Variants in GXYLT1 observed in about 807,000 individuals in gnomAD.
GXYLT1 encodes glycosyltransferase 8 domain containing 3.
In GXYLT1, 29 loss-of-function variants were observed where a neutral mutation model predicts 54.0. The ratio of observed to expected loss-of-function variants is 0.54; its 90% CI spans 0.40 to 0.73. GXYLT1 has a LOEUF of 0.73. Among genes scored for constraint, GXYLT1 ranks in the 30% least tolerant of loss-of-function variants. The pLI is 0.00. For missense variants in GXYLT1, 490 were observed against 553.4 expected (o/e 0.89, Z 1.15); for synonymous variants, 176 against 204.1 (o/e 0.86, Z 1.17).
rs1325667405 is a variant in GXYLT1 at position 42,144,755 on chromosome 12, A to AGCC, written c.-112_-110dup. 1.3e-4 allele frequency: 99 copies of AGCC among 754,262 alleles called. No homozygotes were observed. In the East Asian group the frequency reaches 2.9e-3, roughly 22 times the overall value. The allele number at this position is 754,262 out of a possible 1,614,324, so 46.7% of individuals were successfully genotyped here. ...CGGGCGCAACAAGTTCCTCACCCGC[A>AGCC]GCCGCCGCCGCCGCCTTGCGCCCGC... On this transcript the variant is annotated 5_prime_UTR_variant, in exon 1 of 8. Transcript: ENST00000398675.
chr12:42,087,912 TA>T lies in GXYLT1; in HGVS notation c.1196del (p.Leu399Ter). On this transcript the variant is annotated frameshift_variant, in exon 8 of 8. Transcript: ENST00000398675. LOFTEE classifies it high-confidence loss of function. Reference protein sequence around the residue: ...SFEDDNIRSLLKPLELELQKT... With the variant: ...SFEDDNIRSLXKPLELELQKT... Reference sequence around the variant, plus strand: ...TTTGTAGTTCCAGTTCTAAAGGTTTTAATAAGGAACGGATGTTGTCATCTTC... The same window carrying T: ...TTTGTAGTTCCAGTTCTAAAGGTTTTATAAGGAACGGATGTTGTCATCTTC... 6.3e-7 allele frequency: 1 copy of T among 1,581,950 alleles called. No individual in the cohort carries two copies. The highest frequency in any genetic ancestry group is 8.6e-7 in the Non-Finnish European group (1 of 1,162,524).
At chr12:42,102,999 A>AG (rs2065398868) in intron 5 of GXYLT1, among the ~76,000 whole-genome samples, 1 of 151,212 alleles carries the variant, frequency 6.6e-6, no homozygotes, top group African/African-American at 2.4e-5. Flanking sequence ...GTCACTCTGT[A>AG]GCTCAGGCTG....
chr12:42,113,854 T>C lies in GXYLT1; in HGVS notation c.487-4163A>G, dbSNP rs1052495548. ...CTTTTCAGCACCACACCACACCTAC[T>C]CCAAAATTGACCACATAGTTGGAAG... On this transcript the variant is annotated intron_variant, in intron 3 of 7. Transcript: ENST00000398675. Among the ~76,000 whole-genome samples, 8 of 151,056 alleles carry C rather than the reference T, an allele frequency of 5.3e-5. 2 individuals are homozygous for C. The highest frequency in any genetic ancestry group is 1.7e-4 in the African/African-American group (7 of 40,422).
intron 5 of GXYLT1, among the ~76,000 whole-genome samples, chr12:42,104,466 T>C (rs2065408079): frequency 6.6e-6 from 1 of 152,078 alleles, no homozygotes; most frequent in Non-Finnish European, 1.5e-5. Context: ...GAGCAGAGGT[T>C]ACCTAACACT....
intron 1 of GXYLT1, among the ~76,000 whole-genome samples, chr12:42,136,812 C>T (rs1317011283): frequency 7.3e-6 from 1 of 136,076 alleles, no homozygotes; most frequent in African/African-American, 2.6e-5. Context: ...ACACACAAGT[C>T]GCCCAGGCTG....
chr12:42,119,487 AAAAG>A (rs974492731), intron 2 of GXYLT1, among the ~76,000 whole-genome samples: 19 of 152,116 alleles, frequency 1.2e-4, no homozygotes, highest in African/African-American at 3.1e-4. Context: ...AAGGAAAAAA[AAAAG>A]AAAGAAAGAA....
At chr12:42,114,569 G>A (rs1427165493) in intron 3 of GXYLT1, among the ~76,000 whole-genome samples, 4 of 152,078 alleles carry the variant, frequency 2.6e-5, no homozygotes, top group East Asian at 1.9e-4. Context: ...ATCCTCCCAA[G>A]ACTAAACCAG....
chr12:42,113,361 A>G (rs2065471364), intron 3 of GXYLT1, among the ~76,000 whole-genome samples: 2 of 151,170 alleles, frequency 1.3e-5, no homozygotes, highest in Non-Finnish European at 2.9e-5. Flanking sequence ...GTCAAGACCC[A>G]TCAGTGTGCT....
intron 1 of GXYLT1, among the ~76,000 whole-genome samples, chr12:42,134,747 T>A (rs895769036): frequency 1.3e-5 from 2 of 152,258 alleles, no homozygotes; most frequent in African/African-American, 4.8e-5. Flanking sequence ...CATTCTCAGA[T>A]GAATACTGAA....
intron 1 of GXYLT1, among the ~76,000 whole-genome samples, chr12:42,132,327 T>C (rs189774768): frequency 1.3e-5 from 2 of 152,338 alleles, no homozygotes; most frequent in South Asian, 2.1e-4. Context: ...TATCAAGGAA[T>C]AACTAGAGTC....
chr12:42,110,002 A>G (rs1351397129), intron 3 of GXYLT1, among the ~76,000 whole-genome samples: 1 of 152,180 alleles, frequency 6.6e-6, no homozygotes, highest in Non-Finnish European at 1.5e-5. Context: ...CTAATGTGTA[A>G]ATTCTCTTAA....
intron 3 of GXYLT1, among the ~76,000 whole-genome samples, chr12:42,113,175 T>G (rs906498524): frequency 6.6e-5 from 10 of 150,796 alleles, no homozygotes; most frequent in Admixed American, 4.6e-4. Context: ...CACAGCAAAA[T>G]CATGCCAAAA....
At chr12:42,115,304 T>C (rs2065486913) in intron 3 of GXYLT1, among the ~76,000 whole-genome samples, 1 of 152,034 alleles carries the variant, frequency 6.6e-6, no homozygotes, top group African/African-American at 2.4e-5. Context: ...GAGAAGGAAA[T>C]AAAGGGCATT....
chr12:42,113,956 G>T (rs1322231716), intron 3 of GXYLT1, among the ~76,000 whole-genome samples: 2 of 152,042 alleles, frequency 1.3e-5, no homozygotes, highest in Non-Finnish European at 2.9e-5. Context: ...AATCAAACTA[G>T]AACTCAGGAT....
Position 42,105,893 on chromosome 12 carries a change from T to A in GXYLT1, c.789A>T (p.Pro263=), listed in dbSNP as rs748805735. Residue 263 remains proline (P), a synonymous_variant, in exon 5 of 8, where the codon CCA becomes CCT. Transcript: ENST00000398675. The part of the protein sequence containing the change: ...IGWYNRFARH[P]YYGKTGVNSG... ...AGTTTACTCCAGTTTTTCCATAATA[T>A]GGATGCCTAGCAAAGCGATTATACC... is the stretch of plus-strand genomic sequence containing the variant. The A allele has an allele frequency of 6.2e-7, 1 of 1,613,654 alleles. No homozygotes were observed. Among genetic ancestry groups the A allele is most frequent in the Non-Finnish European group, 8.5e-7 (1 of 1,179,582 alleles).
intron 2 of GXYLT1, among the ~76,000 whole-genome samples, chr12:42,119,941 A>C (rs1227077478): frequency 2.0e-5 from 3 of 152,204 alleles, no homozygotes; most frequent in African/African-American, 7.2e-5. Context: ...CAAACTACAG[A>C]ACACACAAAA....
At chr12:42,127,756 T>C (rs73280085) in intron 2 of GXYLT1, among the ~76,000 whole-genome samples, 1,698 of 152,324 alleles carry the variant, frequency 0.011, 29 homozygotes, top group African/African-American at 0.038. Flanking sequence ...AAGTGGTTCT[T>C]GTCAATACTA....
rs116501180 is a variant in GXYLT1 at position 42,134,472 on chromosome 12, A to C, written c.222-4621T>G. Among the ~76,000 whole-genome samples, 857 of 152,178 alleles carry C rather than the reference A, an allele frequency of 5.6e-3. 7 individuals carry two copies. The highest frequency in any genetic ancestry group is 0.02 in the African/African-American group (817 of 41,534). The stretch of plus-strand genomic sequence containing the variant: ...ACTATAAGCATGTGCCACCAAGCCT[A>C]ATTTTTAAAAAATTTTTTGTAGAGA... On this transcript the variant is annotated intron_variant, in intron 1 of 7. Transcript: ENST00000398675.
intron 1 of GXYLT1, among the ~76,000 whole-genome samples, chr12:42,137,681 C>T (rs1164010515): frequency 7.0e-6 from 1 of 142,386 alleles, no homozygotes; most frequent in Non-Finnish European, 1.5e-5. Context: ...GGCGTGAACC[C>T]GGGAGGCGGA....
Sources: allele counts gnomAD v4.1 joint callset (sites outside exome capture counted in the v4.1 genomes callset), GRCh38; gene constraint gnomAD v4.1.1; transcripts MANE v1.5; gene names NCBI Gene and HGNC (gene_info 2026-07-23, HGNC 2026-07-21).